Variants in OR1J2 observed in about 807,000 individuals in gnomAD.
OR1J2 encodes olfactory receptor 1J2.
For synonymous variants in OR1J2, 142 were observed against 99.7 expected (o/e 1.42, Z -2.52); for missense variants, 304 against 246.1 (o/e 1.24, Z -1.57).
chr9:122,469,025 G>C, the OR1J2 span, among the ~76,000 whole-genome samples: 9 of 152,196 alleles, frequency 5.9e-5, no homozygotes, highest in Non-Finnish European at 8.8e-5. Flanking sequence ...TAAAGAATGA[G>C]TCTGGCAAGT....
the OR1J2 span, among the ~76,000 whole-genome samples, chr9:122,485,884 A>T: frequency 6.6e-6 from 1 of 152,130 alleles, no homozygotes; most frequent in East Asian, 1.9e-4. Flanking sequence ...GAAATAGTTG[A>T]ATTGTTAAGA....
At chr9:122,533,157 TA>T in the OR1J2 span, among the ~76,000 whole-genome samples, 11 of 151,454 alleles carry the variant, frequency 7.3e-5, no homozygotes, top group Non-Finnish European at 1.5e-4. Context: ...TAGAGGGAGG[TA>T]TTGAGGATAG....
chr9:122,486,267 G>A, the OR1J2 span, among the ~76,000 whole-genome samples: 2 of 152,232 alleles, frequency 1.3e-5, no homozygotes, highest in African/African-American at 2.4e-5. Context: ...GCCAATGTAG[G>A]CATTCTGATC....
the OR1J2 span, chr9:122,567,499 C>T: frequency 2.4e-5 from 33 of 1,362,768 alleles, no homozygotes; most frequent in South Asian, 2.9e-4. Context: ...GTAGAAAACA[C>T]GTCCAAGTTG....
At chr9:122,477,210 G>A in the OR1J2 span, 1 of 1,614,114 alleles carries the variant, frequency 6.2e-7, no homozygotes, top group Non-Finnish European at 8.5e-7. Context: ...ATCCACAAGT[G>A]GACAAGGCTT....
At chr9:122,449,655 C>G in the OR1J2 span, among the ~76,000 whole-genome samples, 85 of 152,296 alleles carry the variant, frequency 5.6e-4, 1 homozygote, top group African/African-American at 1.7e-3. Context: ...AGGCATGAGC[C>G]ACCGCGCCCG....
chr9:122,554,572 A>G, the OR1J2 span, among the ~76,000 whole-genome samples: 1 of 152,218 alleles, frequency 6.6e-6, no homozygotes, highest in East Asian at 1.9e-4. Flanking sequence ...TATTCCTTAC[A>G]TCAGTTACTT....
At chr9:122,498,186 A>T in the OR1J2 span, among the ~76,000 whole-genome samples, 1 of 152,126 alleles carries the variant, frequency 6.6e-6, no homozygotes, top group Non-Finnish European at 1.5e-5. Flanking sequence ...TAGCAATATT[A>T]GAAAAGTTTT....
At chr9:122,460,208 T>C in the OR1J2 span, among the ~76,000 whole-genome samples, 16 of 151,684 alleles carry the variant, frequency 1.1e-4, no homozygotes, top group South Asian at 8.3e-4. Flanking sequence ...CACACACACA[T>C]ATATACATAT....
At chr9:122,493,410 T>C in the OR1J2 span, among the ~76,000 whole-genome samples, 1 of 152,156 alleles carries the variant, frequency 6.6e-6, no homozygotes, top group Non-Finnish European at 1.5e-5. Flanking sequence ...AGAGACTCTA[T>C]ATCTTCCTGG....
At chr9:122,471,707 A>G in the OR1J2 span, among the ~76,000 whole-genome samples, 19 of 152,240 alleles carry the variant, frequency 1.2e-4, no homozygotes, top group Non-Finnish European at 2.2e-4. Context: ...GCAGCAAAGA[A>G]TGCTGTCCTT....
At chr9:122,568,323 A>G in the OR1J2 span, 14 of 1,614,136 alleles carry the variant, frequency 8.7e-6, no homozygotes, top group Non-Finnish European at 1.2e-5. Flanking sequence ...ATGGGGGTTG[A>G]AGCGAATGGC....
the OR1J2 span, among the ~76,000 whole-genome samples, chr9:122,545,921 A>AAAG: frequency 1.6e-4 from 24 of 151,598 alleles, no homozygotes; most frequent in East Asian, 3.7e-3. Flanking sequence ...AAAAGAATGA[A>AAAG]AAAAAAACAT....
the OR1J2 span, among the ~76,000 whole-genome samples, chr9:122,569,803 A>G: frequency 6.6e-6 from 1 of 152,084 alleles, no homozygotes; most frequent in Non-Finnish European, 1.5e-5. Flanking sequence ...AGCATTAGAT[A>G]TATCTCCTAA....
chr9:122,497,887 C>A, the OR1J2 span, among the ~76,000 whole-genome samples: 2 of 152,064 alleles, frequency 1.3e-5, no homozygotes, highest in Non-Finnish European at 2.9e-5. Context: ...TCTCTATTTT[C>A]ATTTATTTCA....
At chr9:122,455,624 G>C in the OR1J2 span, among the ~76,000 whole-genome samples, 1 of 152,032 alleles carries the variant, frequency 6.6e-6, no homozygotes, top group African/African-American at 2.4e-5. Context: ...CAGACATATG[G>C]TTTACAAATA....
chr9:122,560,425 G>A, the OR1J2 span, among the ~76,000 whole-genome samples: 2 of 152,152 alleles, frequency 1.3e-5, no homozygotes, highest in African/African-American at 4.8e-5. Flanking sequence ...TCATAGTATC[G>A]TTGGTCTTTA....
the OR1J2 span, chr9:122,568,476 A>G: frequency 3.2e-6 from 5 of 1,561,922 alleles, no homozygotes; most frequent in East Asian, 2.3e-5. Context: ...GATTCTTTCC[A>G]TTGACTTGGG....
chr9:122,448,513 C>T, the OR1J2 span, among the ~76,000 whole-genome samples: 9 of 152,256 alleles, frequency 5.9e-5, no homozygotes, highest in Non-Finnish European at 1.2e-4. Flanking sequence ...CCTTCACGGG[C>T]GTCAGGCTGG....
Sources: allele counts gnomAD v4.1 joint callset (sites outside exome capture counted in the v4.1 genomes callset), GRCh38; gene constraint gnomAD v4.1.1; transcripts MANE v1.5; gene names NCBI Gene and HGNC (gene_info 2026-07-23, HGNC 2026-07-21).